Variants in GBGT1 observed in about 807,000 individuals in gnomAD.
GBGT1 encodes globoside alpha-1,3-N-acetylgalactosaminyltransferase 1.
GBGT1 carries 18 observed loss-of-function variants against 20.9 expected under a neutral mutation model. The observed-to-expected ratio is 0.86, with a 90% CI of 0.60 to 1.28. The LOEUF (loss-of-function observed/expected upper bound fraction) is 1.28. Among genes scored for constraint, GBGT1 ranks in the 50% most tolerant of loss-of-function variants. GBGT1 has a pLI of 0.00. For synonymous variants in GBGT1, 168 were observed against 180.8 expected (o/e 0.93, Z 0.57); for missense variants, 432 against 455.7 (o/e 0.95, Z 0.47).
In GBGT1 at chr9:133,157,287, C is replaced by CAA. The variant is rs71503325; in HGVS notation, c.138-1224_138-1223dup. 8.6e-4 allele frequency among the ~76,000 whole-genome samples: 67 copies of CAA among 77,884 alleles called. 1 individual carries two copies. Among genetic ancestry groups the CAA allele is most frequent in the Admixed American group, 1.7e-3 (12 of 6,986 alleles). 51.1% of individuals were successfully genotyped at this position (77,884 alleles called of 152,430 possible). On this transcript the variant is annotated intron_variant, in intron 3 of 6. Transcript: ENST00000372040. ...CCACCCACAAAGTGAGACCCTGTCT[C>CAA]AAAAAAAAAAAAAAAAAAAAGAACT...
chr9:133,156,191 C>T, intron 3 of GBGT1, 126 bp from the exon 4 acceptor site: 1 of 986,618 alleles, frequency 1.0e-6, no homozygotes, highest in Non-Finnish European at 1.5e-6. Context: ...CTCCCTCTGA[C>T]CTTCCCCCAC....
chr9:133,155,564 T>G (rs921537523), intron 5 of GBGT1, among the ~76,000 whole-genome samples: 4 of 152,142 alleles, frequency 2.6e-5, no homozygotes, highest in Non-Finnish European at 4.4e-5. Context: ...TGAGGGTCAT[T>G]AAAAAGGGCA....
At chr9:133,160,075 G>T in intron 3 of GBGT1, 1 of 211,570 alleles carries the variant, frequency 4.7e-6, no homozygotes, top group South Asian at 5.0e-5. Flanking sequence ...GCGAAGCCTG[G>T]CCGAAGGGGG....
Position 133,154,747 on chromosome 9 carries a change from A to T in GBGT1, c.359+431T>A, listed in dbSNP as rs1832819261. On this transcript the variant is annotated intron_variant, in intron 6 of 6. Transcript: ENST00000372040. This position sits in a 1 kb window ranked among gnomAD's most constrained non-coding sequence, Gnocchi z 4.2. The stretch of plus-strand genomic sequence containing the variant: ...TTGGACAAGGGGGTCACCTGACCCT[A>T]GGTGGACCATTCATCATCTGGTCAT... The T allele has an allele frequency of 5.6e-6, 1 of 179,366 alleles. No homozygotes were observed. Among genetic ancestry groups the T allele is most frequent in the Admixed American group, 5.6e-5 (1 of 17,832 alleles). The allele number at this position is 179,366 out of a possible 1,614,324, so 11.1% of individuals were successfully genotyped here.
rs12350913 is a variant in GBGT1 at position 133,155,301 on chromosome 9, A to G, written c.236T>C (p.Leu79Pro). 7,126 of 1,613,920 alleles carry G rather than the reference A, an allele frequency of 4.4e-3. 265 individuals carry two copies. In the African/African-American group the frequency reaches 0.081, roughly 18 times the overall value. ...CGCCAACCAGGGTGTGAGTGTCAGCAGCTGTGTGGGCCTGGCAGCAGGGGG... is the reference window on the plus strand; with the variant it reads ...CGCCAACCAGGGTGTGAGTGTCAGCGGCTGTGTGGGCCTGGCAGCAGGGGG... ...PKLLEHRPTQ[L>P]LTLTPWLAPI... Residue 79 changes from leucine to proline, a missense_variant, in exon 6 of 7, where the codon CTG becomes CCG. Coordinates refer to ENST00000372040, the MANE Select transcript of GBGT1 (RefSeq NM_021996.6).
At chr9:133,160,536 G>A (rs544579670) in intron 3 of GBGT1, among the ~76,000 whole-genome samples, 17 of 152,148 alleles carry the variant, frequency 1.1e-4, no homozygotes, top group Admixed American at 1.3e-4. Context: ...CACATCCTCC[G>A]GCCACTAAGG....
At chr9:133,160,925 T>C (rs939629031) in intron 3 of GBGT1, 1 of 265,064 alleles carries the variant, frequency 3.8e-6, no homozygotes, top group African/African-American at 2.2e-5. Context: ...CAGGACAATC[T>C]CTTGAACTGG....
chr9:133,160,434 G>T (rs1179237075), intron 3 of GBGT1, among the ~76,000 whole-genome samples: 4 of 152,106 alleles, frequency 2.6e-5, no homozygotes, highest in African/African-American at 9.7e-5. Context: ...CGGTGGCTTT[G>T]CTGGGTACTG....
intron 3 of GBGT1, among the ~76,000 whole-genome samples, chr9:133,157,478 T>C (rs1832906007): frequency 6.6e-6 from 1 of 152,242 alleles, no homozygotes; most frequent in Non-Finnish European, 1.5e-5. Flanking sequence ...TCTCTGCATC[T>C]GCAAAATGGG....
chr9:133,156,163 A>T (rs2073926), intron 3 of GBGT1, 98 bp from the exon 4 acceptor site: 135,534 of 1,361,556 alleles, frequency 0.1, 12,889 homozygotes, highest in East Asian at 0.54. Flanking sequence ...GCGGGTGGGC[A>T]CCCAGGGTCC....
At chr9:133,156,433 G>T (rs1035610180) in intron 3 of GBGT1, among the ~76,000 whole-genome samples, 7 of 152,094 alleles carry the variant, frequency 4.6e-5, no homozygotes, top group Non-Finnish European at 7.4e-5. Flanking sequence ...AGGCGGAGGC[G>T]GGTGGATCAC....
intron 3 of GBGT1, chr9:133,161,131 A>G (rs1833030894): frequency 5.0e-6 from 2 of 402,806 alleles, no homozygotes; most frequent in Admixed American, 4.4e-5. Context: ...ACTGAACACA[A>G]CCCCTGCTGG....
In GBGT1 at chr9:133,162,515, C is replaced by T. The variant is rs1833087554; in HGVS notation, c.-103G>A. On this transcript the variant is annotated 5_prime_UTR_variant, in exon 2 of 7. Coordinates refer to ENST00000372040, the MANE Select transcript of GBGT1 (RefSeq NM_021996.6). Reference sequence around the variant, plus strand: ...GGATGTCAGGCTCTGAGCCTGGTCTCTGAGGTCCCAGGAACACCTGCAAAG... The same window carrying T: ...GGATGTCAGGCTCTGAGCCTGGTCTTTGAGGTCCCAGGAACACCTGCAAAG... The T allele has an allele frequency of 1.1e-6, 1 of 923,756 alleles. No individual in the cohort carries two copies. Among genetic ancestry groups the T allele is most frequent in the African/African-American group, 1.6e-5 (1 of 61,202 alleles). The allele number at this position is 923,756 out of a possible 1,614,324, so 57.2% of individuals were successfully genotyped here.
At chr9:133,159,694 G>A (rs1832974031) in intron 3 of GBGT1, among the ~76,000 whole-genome samples, 1 of 152,126 alleles carries the variant, frequency 6.6e-6, no homozygotes. Flanking sequence ...CTACTCAGGA[G>A]GCTAAAGTGT....
chr9:133,160,398 C>A (rs1156805914), intron 3 of GBGT1: 1 of 152,204 alleles, frequency 6.6e-6, no homozygotes, highest in Non-Finnish European at 1.5e-5. Flanking sequence ...CTCTGGTATT[C>A]CCAGCAGTAG....
intron 3 of GBGT1, chr9:133,161,133 C>T (rs186687593): frequency 1.6e-4 from 63 of 402,914 alleles, no homozygotes; most frequent in Middle Eastern, 6.2e-4. Flanking sequence ...TGAACACAAC[C>T]CCTGCTGGTC....
At position 133,153,676 on chromosome 9, in the gene GBGT1, G is replaced by C. The variant is rs1443940120; in HGVS notation, c.945C>G (p.Ser315=). Residue 315 remains serine (S), a synonymous_variant, in exon 7 of 7, where the codon TCC becomes TCG. Coordinates refer to ENST00000372040, the MANE Select transcript of GBGT1 (RefSeq NM_021996.6). ...FISNKPSKVL[S]PEYLWDDRKP... ...TCCTGTCGTCCCAGAGGTACTCGGG[G>C]GACAGCACCTTGGACGGCTTGTTTG... is the stretch of plus-strand genomic sequence containing the variant. 11 of 1,613,568 alleles carry C rather than the reference G, an allele frequency of 6.8e-6. No individual in the cohort carries two copies. The highest frequency in any genetic ancestry group is 9.3e-6 in the Non-Finnish European group (11 of 1,179,744).
chr9:133,161,513 G>C lies in GBGT1; in HGVS notation c.91C>G (p.Leu31Val). 1 of 1,610,146 alleles carries C rather than the reference G, an allele frequency of 6.2e-7. No homozygotes were observed. The highest frequency in any genetic ancestry group is 1.1e-5 in the South Asian group (1 of 90,474). Reference protein sequence around the residue: ...SVLWVYLENWLPVSYVPYYLP... With the variant: ...SVLWVYLENWVPVSYVPYYLP... ...TAATAGGGGACATAGGAGACTGGCA[G>C]CCAGTTCTCAAGATACACCCTGTGA... The change falls in exon 3 of 7, where the codon CTG becomes GTG. Residue 31 changes from leucine (L) to valine (V), a missense_variant. Physicochemically the swap from Leu to Val is conservative, Grantham distance 32. Transcript: ENST00000372040.
rs1432665862 is a variant in GBGT1, at chr9:133,153,205, G to A, written c.*372C>T. ...GCCTTCACACCAGGGTATTAGAAATGCTACGTTAAGGGCAATATGCAATAA... is the reference window on the plus strand; with the variant it reads ...GCCTTCACACCAGGGTATTAGAAATACTACGTTAAGGGCAATATGCAATAA... On this transcript the variant is annotated 3_prime_UTR_variant, in exon 7 of 7. Coordinates refer to ENST00000372040, the MANE Select transcript of GBGT1 (RefSeq NM_021996.6). 1 of 177,176 alleles carries A rather than the reference G, an allele frequency of 5.6e-6. No homozygotes were observed. Among genetic ancestry groups the A allele is most frequent in the East Asian group, 1.5e-4 (1 of 6,754 alleles). The allele number at this position is 177,176 out of a possible 1,614,324, so 11.0% of individuals were successfully genotyped here. A position where few individuals can be genotyped will look rare whatever the true frequency, so the allele number is the denominator to read the frequency against.
Sources: gnomAD v4.1 joint callset for allele counts (sites outside exome capture counted in the v4.1 genomes callset) on GRCh38, gnomAD v4.1.1 for gene constraint, Gnocchi (gnomAD v3.1) non-coding constraint, MANE v1.5 for transcripts, NCBI Gene and HGNC (gene_info 2026-07-23, HGNC 2026-07-21) for gene names.